Variants in HMGA2 observed in about 807,000 individuals in gnomAD.
The protein encoded by HMGA2 is high mobility group AT-hook 2, also known as high mobility group protein HMGI-C.
A neutral mutation model predicts 19.1 loss-of-function variants in HMGA2; 8 were observed. That is an observed-to-expected ratio of 0.42 (90% CI 0.25 to 0.76). The LOEUF is 0.76. Ranked by LOEUF, HMGA2 falls within the 30% of genes least tolerant of loss-of-function variation. The pLI, the probability that HMGA2 is intolerant of heterozygous loss-of-function variation, is 0.28. For synonymous variants in HMGA2, 60 were observed against 48.8 expected (o/e 1.23, Z -0.96); for missense variants, 109 against 136.3 (o/e 0.80, Z 1.00).
At chr12:65,846,608 C>T (rs1055791737) in intron 3 of HMGA2, among the ~76,000 whole-genome samples, 7 of 152,172 alleles carry the variant, frequency 4.6e-5, no homozygotes, top group Admixed American at 1.3e-4. Context: ...GAGATAGAGA[C>T]GGAGGCTACT....
At chr12:65,883,480 A>T (rs1304785646) in intron 3 of HMGA2, among the ~76,000 whole-genome samples, 1 of 152,176 alleles carries the variant, frequency 6.6e-6, no homozygotes, top group Non-Finnish European at 1.5e-5. Flanking sequence ...TCCTTTTGTG[A>T]TGAGGAAAGT....
intron 2 of HMGA2, among the ~76,000 whole-genome samples, chr12:65,830,290 A>C: frequency 6.6e-6 from 1 of 152,100 alleles, no homozygotes. Context: ...TTCTATATAA[A>C]TATGATTTTC....
intron 3 of HMGA2, chr12:65,934,677 A>G (rs1363755617): frequency 1.3e-5 from 2 of 152,192 alleles, no homozygotes; most frequent in Non-Finnish European, 2.9e-5. Flanking sequence ...GTTCACATGA[A>G]TAGAAGTTCC....
At chr12:65,951,770 G>A (rs1013834338) in intron 4 of HMGA2, 1 of 195,350 alleles carries the variant, frequency 5.1e-6, no homozygotes. Flanking sequence ...TCTATATTCT[G>A]TTGACACCAG....
At chr12:65,950,938 G>GT (rs748826631) in intron 3 of HMGA2, among the ~76,000 whole-genome samples, 4 of 151,596 alleles carry the variant, frequency 2.6e-5, no homozygotes, top group Non-Finnish European at 5.9e-5. Context: ...AGACATTTTT[G>GT]TTTTTTTTGA....
At chr12:65,826,189 C>A (rs933945700) in intron 1 of HMGA2, 1 of 152,736 alleles carries the variant, frequency 6.5e-6, no homozygotes, top group Admixed American at 6.5e-5. Flanking sequence ...CGCCTCAGAG[C>A]TGCAGCCATT....
Position 65,964,828 on chromosome 12 carries a change from G to C in HMGA2, c.*1536G>C, listed in dbSNP as rs1303285940. 1.0e-5 allele frequency: 2 copies of C among 193,550 alleles called. No individual in the cohort carries two copies. The highest frequency in any genetic ancestry group is 2.2e-5 in the Non-Finnish European group (2 of 92,634). 12.0% of individuals were successfully genotyped at this position (193,550 alleles called of 1,614,324 possible). On this transcript the variant is annotated 3_prime_UTR_variant, in exon 5 of 5. Transcript: ENST00000403681. ...AATTTTTTAACCAAGTCGCTCCTAG[G>C]TTCTTAAGGATAATTTTCCTCAATC...
At chr12:65,902,567 G>A (rs1874417942) in intron 3 of HMGA2, among the ~76,000 whole-genome samples, 1 of 152,142 alleles carries the variant, frequency 6.6e-6, no homozygotes, top group Admixed American at 6.5e-5. Flanking sequence ...CACTGAGCCT[G>A]GGGAAATGCT....
chr12:65,918,474 A>G (rs1370117402), intron 3 of HMGA2, among the ~76,000 whole-genome samples: 1 of 152,200 alleles, frequency 6.6e-6, no homozygotes, highest in Non-Finnish European at 1.5e-5. Context: ...TTAATCTGTA[A>G]GTTTTTTTAT....
chr12:65,879,647 T>C (rs1370547408), intron 3 of HMGA2, among the ~76,000 whole-genome samples: 1 of 152,194 alleles, frequency 6.6e-6, no homozygotes, highest in Non-Finnish European at 1.5e-5. Context: ...CACAAAACTC[T>C]ACTATAATCT....
chr12:65,846,596 CAG>C (rs1171743382), intron 3 of HMGA2, among the ~76,000 whole-genome samples: 1 of 152,182 alleles, frequency 6.6e-6, no homozygotes, highest in African/African-American at 2.4e-5. Context: ...ATGTACAGGA[CAG>C]AGATAGAGAC....
At chr12:65,832,361 A>C (rs1232325236) in intron 2 of HMGA2, among the ~76,000 whole-genome samples, 1 of 151,902 alleles carries the variant, frequency 6.6e-6, no homozygotes, top group Non-Finnish European at 1.5e-5. Context: ...GGAAGCTCTC[A>C]TCCTTCTGAA....
chr12:65,859,289 C>T (rs945270779), intron 3 of HMGA2: 1 of 152,200 alleles, frequency 6.6e-6, no homozygotes, highest in Non-Finnish European at 1.5e-5. Context: ...TGTATGATCA[C>T]CCTACCTACA....
chr12:65,936,706 C>G (rs549290274), intron 3 of HMGA2, among the ~76,000 whole-genome samples: 1 of 152,272 alleles, frequency 6.6e-6, no homozygotes, highest in East Asian at 1.9e-4. Context: ...TTATTAAGTT[C>G]TTTCAGCCAG....
chr12:65,845,436 T>C (rs1393870507), intron 3 of HMGA2, among the ~76,000 whole-genome samples: 1 of 152,090 alleles, frequency 6.6e-6, no homozygotes, highest in Non-Finnish European at 1.5e-5. Context: ...GCCTGGCTAA[T>C]TTTTGTTTTT....
chr12:65,850,221 G>T (rs12371532), intron 3 of HMGA2, among the ~76,000 whole-genome samples: 143 of 152,080 alleles, frequency 9.4e-4, no homozygotes, highest in Middle Eastern at 3.4e-3. Context: ...AGTCCCCCTC[G>T]CTATTAAATC....
In HMGA2 at chr12:65,941,295, G is replaced by A. The variant is rs183442312; in HGVS notation, c.250-10088G>A. ...AAAGGTCATCAATCCAGAGAAGACC[G>A]TGAAGGAAGGTCCAGGAAGAAGGTA... On this transcript the variant is annotated intron_variant, in intron 3 of 4. Coordinates refer to ENST00000403681, the MANE Select transcript of HMGA2 (RefSeq NM_003483.6). 5.0e-3 allele frequency among the ~76,000 whole-genome samples: 762 copies of A among 152,318 alleles called. 4 individuals are homozygous for A. Among genetic ancestry groups the A allele is most frequent in the Non-Finnish European group, 8.4e-3 (572 of 68,024 alleles).
chr12:65,946,494 C>T (rs796968996), intron 3 of HMGA2, among the ~76,000 whole-genome samples: 4 of 152,174 alleles, frequency 2.6e-5, no homozygotes, highest in African/African-American at 9.6e-5. Flanking sequence ...TACATTGTGC[C>T]TAATTTTTTT....
At chr12:65,869,650 C>T (rs1052854795) in intron 3 of HMGA2, among the ~76,000 whole-genome samples, 3 of 152,168 alleles carry the variant, frequency 2.0e-5, no homozygotes, top group Non-Finnish European at 4.4e-5. Flanking sequence ...GACAGTGTTT[C>T]ACAATGTAGG....
Sources: allele counts gnomAD v4.1 joint callset (sites outside exome capture counted in the v4.1 genomes callset), GRCh38; gene constraint gnomAD v4.1.1; transcripts MANE v1.5; gene names NCBI Gene and HGNC (gene_info 2026-07-23, HGNC 2026-07-21).